Variants in EPHA1 observed in about 807,000 individuals in gnomAD.
The protein encoded by EPHA1 is EPH receptor A1.
A neutral mutation model predicts 110.1 loss-of-function variants in EPHA1; 92 were observed. That is an observed-to-expected ratio of 0.84 (90% confidence interval 0.71 to 0.99). The LOEUF is 0.99. EPHA1 is among the 50% of genes least tolerant of loss of function. The probability of loss-of-function intolerance (pLI) is 0.00; values close to 1 mark genes in which losing one functional copy is unlikely to be tolerated. For missense variants in EPHA1, 1,204 were observed against 1,285.4 expected (o/e 0.94, Z 0.97); for synonymous variants, 500 against 516.1 (o/e 0.97, Z 0.42).
chr7:143,395,535 A>G lies in EPHA1; in HGVS notation c.1898-31T>C. 1.2e-6 allele frequency: 2 copies of G among 1,609,108 alleles called. No individual in the cohort carries two copies. Among genetic ancestry groups the G allele is most frequent in the Non-Finnish European group, 1.7e-6 (2 of 1,177,226 alleles). On this transcript the variant is annotated intron_variant, in intron 11 of 17. Transcript: ENST00000275815. This position sits in a 1 kb window ranked among gnomAD's most constrained non-coding sequence, Gnocchi z 4.7. ...TAGAAAGAAAACAGGCTGTGGCCCG[A>G]TGCACTGCAGGGCTCCTCCAGGGGA... is the stretch of plus-strand genomic sequence containing the variant.
At chr7:143,391,823 G>T in intron 16 of EPHA1, 48 bp from the exon 17 acceptor site, 1 of 1,599,406 alleles carries the variant, frequency 6.3e-7, no homozygotes, top group Non-Finnish European at 8.5e-7. Context: ...GGGCTGATCT[G>T]GTTGGCCTTG....
At chr7:143,397,410 G>A in intron 9 of EPHA1, 48 bp from the exon 10 acceptor site, 3 of 1,549,960 alleles carry the variant, frequency 1.9e-6, no homozygotes, top group Non-Finnish European at 2.6e-6. Flanking sequence ...GACCACCTCA[G>A]GGGTCCGAGG....
chr7:143,393,360 C>T lies in EPHA1; in HGVS notation c.2696+311G>A, dbSNP rs1805142864. On this transcript the variant is annotated intron_variant, in intron 16 of 17. Coordinates refer to ENST00000275815, the MANE Select transcript of EPHA1 (RefSeq NM_005232.5). This position sits in a 1 kb window ranked among gnomAD's most constrained non-coding sequence, Gnocchi z 5.6. ...ATCCCAAGAATGGGCCACAGTACAA[C>T]ACAGTGGGATTGGCAAGGATGGCTC... Among the ~76,000 whole-genome samples, 1 of 152,162 alleles carries T rather than the reference C, an allele frequency of 6.6e-6. No individual in the cohort carries two copies. Among genetic ancestry groups the T allele is most frequent in the Non-Finnish European group, 1.5e-5 (1 of 68,022 alleles).
At chr7:143,398,534 T>G (rs1805324507) in intron 6 of EPHA1, 67 bp downstream of exon 6, 2 of 1,607,886 alleles carry the variant, frequency 1.2e-6, no homozygotes, top group African/African-American at 1.3e-5. Context: ...GCCCATCAGT[T>G]TGTTCTGTGG....
rs1303820676 is a variant in EPHA1 at position 143,398,052 on chromosome 7, T to C, written c.1483A>G (p.Met495Val). The C allele has an allele frequency of 6.2e-7, 1 of 1,614,008 alleles. No individual in the cohort carries two copies. The highest frequency in any genetic ancestry group is 8.5e-7 in the Non-Finnish European group (1 of 1,180,002). Residue 495 changes from methionine (M) to valine (V), a missense_variant, in exon 8 of 18, where the codon ATG becomes GTG. Transcript: ENST00000275815. ...AGCAAGACCCTGGGTTCTAGAACCA[T>C]CTGGTACCGTTCTTCATCCTGTGGG... Reference protein sequence around the residue: ...VLNQDEERYQMVLEPRVLLTE... With the variant: ...VLNQDEERYQVVLEPRVLLTE...
At chr7:143,407,460 A>T in intron 2 of EPHA1, 151 bp downstream of exon 2, 7 of 532,620 alleles carry the variant, frequency 1.3e-5, no homozygotes, top group East Asian at 7.8e-5. Context: ...TGTCCCATTG[A>T]GGAGGCTCTG....
chr7:143,394,996 C>T lies in EPHA1; in HGVS notation c.2164G>A (p.Val722Ile). 6.2e-7 allele frequency: 1 copy of T among 1,614,074 alleles called. No individual in the cohort carries two copies. Among genetic ancestry groups the T allele is most frequent in the Non-Finnish European group, 8.5e-7 (1 of 1,180,026 alleles). The change falls in exon 14 of 18, where the codon GTC becomes ATC. Residue 722 changes from valine (V) to isoleucine (I), a missense_variant. Coordinates refer to ENST00000275815, the MANE Select transcript of EPHA1 (RefSeq NM_005232.5). ...AFLREREDQL[V>I]PGQLVAMLQG... is the part of the protein sequence containing the mutation. ...AGCATGGCCACTAGCTGCCCAGGGA[C>T]CAGCTGGTCCTCCCGCTCCTGCAGC...
intron 14 of EPHA1, among the ~76,000 whole-genome samples, 198 bp downstream of exon 14, chr7:143,394,610 C>T (rs555775116): frequency 3.3e-5 from 5 of 152,040 alleles, no homozygotes; most frequent in South Asian, 2.1e-4. Context: ...TTAGTAGAGA[C>T]GGGGTTTCAC....
chr7:143,401,672 G>A lies in EPHA1; in HGVS notation c.151-67C>T. The A allele has an allele frequency of 1.3e-6, 2 of 1,560,418 alleles. No individual in the cohort carries two copies. The highest frequency in any genetic ancestry group is 8.7e-7 in the Non-Finnish European group (1 of 1,148,400). ...GCTCCCCAAACCCTTGGTTTTTAGA[G>A]CTGATGGAGAAGCAGCTGTGTCAGA... On this transcript the variant is annotated intron_variant, in intron 2 of 17. Coordinates refer to ENST00000275815, the MANE Select transcript of EPHA1 (RefSeq NM_005232.5). This position sits in a 1 kb window ranked among gnomAD's most constrained non-coding sequence, Gnocchi z 4.1.
intron 2 of EPHA1, among the ~76,000 whole-genome samples, chr7:143,406,795 T>G (rs1414062948): frequency 6.6e-6 from 1 of 152,174 alleles, no homozygotes; most frequent in East Asian, 1.9e-4. Flanking sequence ...GTCACCGAAG[T>G]GATTTGTGTT....
Position 143,395,573 on chromosome 7 carries a change from C to T in EPHA1, c.1898-69G>A. ...CTCCTCCAGGGGACAGGCAGCAACC[C>T]CTCCAGTCCTCCGGCCCTTTTCTTT... On this transcript the variant is annotated intron_variant, in intron 11 of 17. Transcript: ENST00000275815. The surrounding 1 kb of genome is among the most constrained non-coding windows in gnomAD (Gnocchi z 4.7). 2.0e-6 allele frequency: 3 copies of T among 1,497,270 alleles called. No homozygotes were observed. Among genetic ancestry groups the T allele is most frequent in the Non-Finnish European group, 2.7e-6 (3 of 1,094,452 alleles). The allele number at this position is 1,497,270 out of a possible 1,614,324, so 92.7% of individuals were successfully genotyped here. A position where few individuals can be genotyped will look rare whatever the true frequency, so the allele number is the denominator to read the frequency against.
rs146963652 is a variant in EPHA1 at position 143,391,714 on chromosome 7, C to T, written c.2758G>A (p.Glu920Lys). Reference sequence around the variant, plus strand: ...TTCATGCGTATGGACTCGAGCCACTCAGAGACGGTTCGATATGGGATCCCA... The same window carrying T: ...TTCATGCGTATGGACTCGAGCCACTTAGAGACGGTTCGATATGGGATCCCA... ...SDGIPYRTVS[E>K]WLESIRMKRY... Residue 920 changes from glutamate to lysine, a missense_variant, in exon 17 of 18, where the codon GAG becomes AAG. Coordinates refer to ENST00000275815, the MANE Select transcript of EPHA1 (RefSeq NM_005232.5). The T allele has an allele frequency of 4.3e-6, 7 of 1,614,042 alleles. No homozygotes were observed. The highest frequency in any genetic ancestry group is 4.2e-6 in the Non-Finnish European group (5 of 1,180,026).
chr7:143,392,435 T>C (rs1395528542), intron 16 of EPHA1, among the ~76,000 whole-genome samples: 1 of 152,146 alleles, frequency 6.6e-6, no homozygotes, highest in Non-Finnish European at 1.5e-5. Context: ...TAGAGCATGT[T>C]TTCTCCCAGA....
rs1164344111 is a variant in EPHA1 at position 143,395,980 on chromosome 7, A to C, written c.1897+405T>G. ...ATTTCCTCTGGTGACCCAAGGGAAC[A>C]GGGCAGCCCAAGGACACTGGGCCTC... On this transcript the variant is annotated intron_variant, in intron 11 of 17. Coordinates refer to ENST00000275815, the MANE Select transcript of EPHA1 (RefSeq NM_005232.5). This position sits in a 1 kb window ranked among gnomAD's most constrained non-coding sequence, Gnocchi z 4.7. Among the ~76,000 whole-genome samples the C allele has an allele frequency of 3.3e-5, 5 of 152,224 alleles. No homozygotes were observed. Among genetic ancestry groups the C allele is most frequent in the African/African-American group, 1.2e-4 (5 of 41,462 alleles).
At chr7:143,405,494 G>A (rs898506049) in intron 2 of EPHA1, among the ~76,000 whole-genome samples, 2 of 151,994 alleles carry the variant, frequency 1.3e-5, no homozygotes, top group African/African-American at 2.4e-5. Context: ...AGGGGGACAA[G>A]GTAGATAGTG....
At chr7:143,397,269 G>C in intron 10 of EPHA1, 35 bp downstream of exon 10, 1 of 1,539,824 alleles carries the variant, frequency 6.5e-7, no homozygotes, top group Non-Finnish European at 8.8e-7. Context: ...GTGTGCACAC[G>C]CATGTGGGGA....
At chr7:143,394,769 G>A (rs187038670) in intron 14 of EPHA1, 39 bp downstream of exon 14, 3 of 1,607,996 alleles carry the variant, frequency 1.9e-6, no homozygotes, top group Admixed American at 3.3e-5. Flanking sequence ...ATGTTACGGG[G>A]CAATGTGAAT....
chr7:143,407,710 T>C, intron 1 of EPHA1, 32 bp from the exon 2 acceptor site: 1 of 1,605,292 alleles, frequency 6.2e-7, no homozygotes, highest in Non-Finnish European at 8.5e-7. Context: ...GTCTGTCACC[T>C]CTGGGGGAGG....
rs1175311514 is a variant in EPHA1 at position 143,394,204 on chromosome 7, C to T, written c.2492G>A (p.Ser831Asn). The T allele has an allele frequency of 3.1e-6, 5 of 1,612,930 alleles. No individual in the cohort carries two copies. The highest frequency in any genetic ancestry group is 1.1e-5 in the South Asian group (1 of 91,022). ...SFGDKPYGEMSNQEVMKSIED... is the reference protein window; with the variant it reads ...SFGDKPYGEMNNQEVMKSIED... ...ATATTCTGGGCTCACCTCCTGATTGCTCATCTCCCCATAAGGCTTGTCCCC... is the reference window on the plus strand; with the variant it reads ...ATATTCTGGGCTCACCTCCTGATTGTTCATCTCCCCATAAGGCTTGTCCCC... Residue 831 changes from serine to asparagine, a missense_variant, in exon 15 of 18, where the codon AGC becomes AAC. Coordinates refer to ENST00000275815, the MANE Select transcript of EPHA1 (RefSeq NM_005232.5).
Sources: gnomAD v4.1 joint callset for allele counts (sites outside exome capture counted in the v4.1 genomes callset) on GRCh38, gnomAD v4.1.1 for gene constraint, Gnocchi (gnomAD v3.1) non-coding constraint, MANE v1.5 for transcripts, NCBI Gene and HGNC (gene_info 2026-07-23, HGNC 2026-07-21) for gene names.